Variants in ROBO2 observed in about 807,000 individuals in gnomAD.
ROBO2 encodes the protein roundabout homolog 2.
In ROBO2, 53 loss-of-function variants were observed where a neutral mutation model predicts 160.8. The ratio of observed to expected loss-of-function variants is 0.33; its 90% CI spans 0.26 to 0.41. The LOEUF (loss-of-function observed/expected upper bound fraction) is 0.41, where lower values mean the gene tolerates loss of function less well. ROBO2 is among the 10% of genes least tolerant of loss of function. ROBO2 has a pLI of 1.00. For missense variants in ROBO2, 1,577 were observed against 1,722.4 expected, an observed-to-expected ratio of 0.92 and a Z score of 1.49; for synonymous variants, 664 against 611.7, an observed-to-expected ratio of 1.09 and a Z score of -1.26.
chr3:77,129,021 T>C (rs1487139295), intron 2 of ROBO2, among the ~76,000 whole-genome samples: 1 of 152,166 alleles, frequency 6.6e-6, no homozygotes, highest in Non-Finnish European at 1.5e-5. Context: ...GCGTGAGTAT[T>C]GGCTTAATCT....
chr3:76,592,405 A>G (rs575619168), intron 2 of ROBO2, among the ~76,000 whole-genome samples: 79 of 152,234 alleles, frequency 5.2e-4, no homozygotes, highest in African/African-American at 1.7e-3. Flanking sequence ...AAACAACGTC[A>G]AAATAAATTA....
intron 2 of ROBO2, among the ~76,000 whole-genome samples, chr3:75,952,607 A>T (rs758038707): frequency 6.6e-6 from 1 of 151,928 alleles, no homozygotes; most frequent in Non-Finnish European, 1.5e-5. Context: ...TACATTTGTT[A>T]TAGTTGATGA....
At chr3:76,049,403 A>ATATATATATATTTTTTTT (rs1414664360) in intron 2 of ROBO2, among the ~76,000 whole-genome samples, 2 of 53,760 alleles carry the variant, frequency 3.7e-5, no homozygotes, top group East Asian at 6.3e-4. Flanking sequence ...ATATATATAT[A>ATATATATATATTTTTTTT]TTTTTTTTTT....
intron 2 of ROBO2, among the ~76,000 whole-genome samples, chr3:76,661,231 T>G (rs980964656): frequency 2.0e-5 from 3 of 152,180 alleles, no homozygotes; most frequent in Non-Finnish European, 4.4e-5. Flanking sequence ...CCTGGCTCTA[T>G]GTAGGCCAAA....
chr3:77,607,017 G>A (rs945511334), intron 20 of ROBO2, among the ~76,000 whole-genome samples: 1 of 152,092 alleles, frequency 6.6e-6, no homozygotes, highest in African/African-American at 2.4e-5. Flanking sequence ...ATGATAAATT[G>A]TATTTTTTAT....
intron 2 of ROBO2, among the ~76,000 whole-genome samples, chr3:77,439,239 A>T (rs1308328426): frequency 6.6e-6 from 1 of 152,066 alleles, no homozygotes; most frequent in Non-Finnish European, 1.5e-5. Context: ...GTTATTAAGA[A>T]GCAATTAGTA....
chr3:77,424,890 A>T (rs1163526086), intron 2 of ROBO2, among the ~76,000 whole-genome samples: 1 of 152,188 alleles, frequency 6.6e-6, no homozygotes, highest in African/African-American at 2.4e-5. Flanking sequence ...TCTACAGGTT[A>T]TAGATGGTTT....
At chr3:76,091,640 G>A (rs1010112302) in intron 2 of ROBO2, among the ~76,000 whole-genome samples, 4 of 152,162 alleles carry the variant, frequency 2.6e-5, no homozygotes, top group African/African-American at 9.7e-5. Flanking sequence ...GTTTATGGCA[G>A]CTTCATTCAT....
At chr3:77,632,567 T>G (rs1419077851) in intron 23 of ROBO2, 1 of 1,535,882 alleles carries the variant, frequency 6.5e-7, no homozygotes, top group Admixed American at 2.0e-5. Context: ...GATGGCTCTA[T>G]CTTTGCCAGC....
chr3:76,687,761 T>C (rs1198807928), intron 2 of ROBO2, among the ~76,000 whole-genome samples: 1 of 152,020 alleles, frequency 6.6e-6, no homozygotes, highest in Non-Finnish European at 1.5e-5. Context: ...AGAAAAAAAG[T>C]TTTATTTTCT....
At chr3:76,153,196 C>A (rs2072275021) in intron 2 of ROBO2, among the ~76,000 whole-genome samples, 1 of 152,092 alleles carries the variant, frequency 6.6e-6, no homozygotes, top group Admixed American at 6.6e-5. Context: ...AGAGGACTCA[C>A]ATTTGAGGAA....
intron 2 of ROBO2, among the ~76,000 whole-genome samples, chr3:76,099,950 A>G (rs1445821047): frequency 1.3e-5 from 2 of 152,172 alleles, no homozygotes; most frequent in Non-Finnish European, 2.9e-5. Context: ...GTCTGTAGGT[A>G]AGGGAGAGGA....
rs570756521 is a variant in ROBO2 at position 77,524,447 on chromosome 3, C to T, written c.934+1545C>T. 1.1e-4 allele frequency among the ~76,000 whole-genome samples: 16 copies of T among 151,358 alleles called. No homozygotes were observed. In the South Asian group the frequency reaches 1.2e-3, roughly 12 times the overall value. On this transcript the variant is annotated intron_variant, in intron 6 of 25. Transcript: ENST00000461745. Reference sequence around the variant, plus strand: ...ACAATTCACTAGACCAAATTATCCCCGAAGTTTTCTTTTTCTTTTTTTCTA... The same window carrying T: ...ACAATTCACTAGACCAAATTATCCCTGAAGTTTTCTTTTTCTTTTTTTCTA...
intron 2 of ROBO2, among the ~76,000 whole-genome samples, chr3:76,093,309 T>G (rs1258377584): frequency 6.6e-6 from 1 of 151,968 alleles, no homozygotes; most frequent in Non-Finnish European, 1.5e-5. Context: ...CTATAACAAG[T>G]AGACATTAAC....
intron 2 of ROBO2, among the ~76,000 whole-genome samples, chr3:77,341,469 G>T (rs75699880): frequency 0.031 from 4,653 of 152,180 alleles, 247 homozygotes; most frequent in African/African-American, 0.1. Context: ...TAAGTCTAAT[G>T]TATTTTACTG....
intron 1 of ROBO2, among the ~76,000 whole-genome samples, chr3:75,910,692 A>G (rs1362849984): frequency 6.6e-6 from 1 of 152,178 alleles, no homozygotes; most frequent in African/African-American, 2.4e-5. Flanking sequence ...AAAGCAAATA[A>G]ATTTGGTATA....
intron 2 of ROBO2, among the ~76,000 whole-genome samples, chr3:76,678,610 A>G (rs1302313071): frequency 6.6e-6 from 1 of 152,140 alleles, no homozygotes; most frequent in African/African-American, 2.4e-5. Context: ...TTGTTTTTAC[A>G]ATTACTCTTT....
intron 5 of ROBO2, among the ~76,000 whole-genome samples, chr3:77,507,477 C>T (rs1486264130): frequency 6.6e-6 from 1 of 152,192 alleles, no homozygotes; most frequent in African/African-American, 2.4e-5. Flanking sequence ...TTCTTGCACA[C>T]AGAAGACTGC....
chr3:76,137,043 C>T (rs914358530), intron 2 of ROBO2, among the ~76,000 whole-genome samples: 8 of 151,478 alleles, frequency 5.3e-5, no homozygotes, highest in African/African-American at 1.9e-4. Flanking sequence ...TATATTGCTG[C>T]AAGAAAAAAA....
Sources: allele counts gnomAD v4.1 joint callset (sites outside exome capture counted in the v4.1 genomes callset), GRCh38; gene constraint gnomAD v4.1.1; transcripts MANE v1.5; gene names NCBI Gene and HGNC (gene_info 2026-07-23, HGNC 2026-07-21).